Variants in CD48 observed in about 807,000 individuals in gnomAD.
The protein encoded by CD48 is CD48 molecule, also known as CD48 antigen.
In CD48, 20 loss-of-function variants were observed where a neutral mutation model predicts 22.0. The observed-to-expected ratio is 0.91, with a 90% CI of 0.64 to 1.32. The LOEUF is 1.32. Ranked by LOEUF, CD48 falls within the 40% of genes most tolerant of loss-of-function variation. CD48 has a pLI of 0.00. For synonymous variants in CD48, 110 were observed against 110.1 expected (o/e 1.00, Z 0.01); for missense variants, 307 against 286.5 (o/e 1.07, Z -0.52).
At chr1:160,701,045 G>A (rs2102431403) in intron 1 of CD48, among the ~76,000 whole-genome samples, 1 of 152,054 alleles carries the variant, frequency 6.6e-6, no homozygotes, top group South Asian at 2.1e-4. Context: ...CATAAAGCTG[G>A]CAGATTGTAG....
chr1:160,681,505 A>G (rs1306488744), intron 2 of CD48, 37 bp from the exon 3 acceptor site: 1 of 1,602,456 alleles, frequency 6.2e-7, no homozygotes, highest in Non-Finnish European at 8.5e-7. Context: ...TGAGACAGTG[A>G]GGCATTCATG....
At chr1:160,706,293 C>G (rs969558094) in intron 1 of CD48, among the ~76,000 whole-genome samples, 1 of 152,148 alleles carries the variant, frequency 6.6e-6, no homozygotes, top group African/African-American at 2.4e-5. Context: ...AGGCTAGTCT[C>G]AAACTCCTGA....
At chr1:160,688,531 C>T (rs1246571878) in intron 1 of CD48, among the ~76,000 whole-genome samples, 3 of 152,190 alleles carry the variant, frequency 2.0e-5, no homozygotes, top group African/African-American at 7.2e-5. Context: ...GGAGGCTTAA[C>T]ACAACTCTGT....
At chr1:160,692,580 A>G (rs897137066) in intron 1 of CD48, among the ~76,000 whole-genome samples, 45 of 152,256 alleles carry the variant, frequency 3.0e-4, no homozygotes, top group African/African-American at 9.9e-4. Flanking sequence ...ATGGATATCT[A>G]GGAATGCCCC....
intron 2 of CD48, among the ~76,000 whole-genome samples, chr1:160,683,344 C>G (rs1661872845): frequency 6.6e-6 from 1 of 152,142 alleles, no homozygotes; most frequent in African/African-American, 2.4e-5. Flanking sequence ...CTAATCACTT[C>G]CTGGAAATCT....
At position 160,684,891 on chromosome 1, in the gene CD48, C is replaced by A; in HGVS notation, c.381G>T (p.Val127=). ...NEQEWKIKLQ[V]LDPVPKPVIK... is the part of the protein sequence containing the mutation. Reference sequence around the variant, plus strand: ...TCTTTGGCTCCCCTGACTCACCAAGCACTTGCAGCTTGATCTTCCATTCTT... The same window carrying A: ...TCTTTGGCTCCCCTGACTCACCAAGAACTTGCAGCTTGATCTTCCATTCTT... The change falls in exon 2 of 4, where the codon GTG becomes GTT. Residue 127 remains valine, a synonymous_variant. Transcript: ENST00000368046. The A allele has an allele frequency of 4.3e-6, 7 of 1,614,144 alleles. No individual in the cohort carries two copies. Among genetic ancestry groups the A allele is most frequent in the Non-Finnish European group, 5.9e-6 (7 of 1,180,022 alleles).
At chr1:160,707,380 A>G (rs1446785869) in intron 1 of CD48, among the ~76,000 whole-genome samples, 1 of 151,768 alleles carries the variant, frequency 6.6e-6, no homozygotes, top group East Asian at 1.9e-4. Flanking sequence ...TAGGCCAAGG[A>G]AAGGATTCAG....
At chr1:160,680,543 A>T in intron 3 of CD48, 3 of 988,332 alleles carry the variant, frequency 3.0e-6, no homozygotes, top group Non-Finnish European at 3.6e-6. Context: ...TCTAAAACCC[A>T]TGGCCTTAGC....
intron 1 of CD48, among the ~76,000 whole-genome samples, chr1:160,697,385 G>A (rs1393410511): frequency 1.3e-5 from 2 of 152,160 alleles, no homozygotes; most frequent in African/African-American, 4.8e-5. Flanking sequence ...TAATGATAGT[G>A]TATGGGTACC....
chr1:160,680,847 C>A, intron 3 of CD48: 1 of 1,318,868 alleles, frequency 7.6e-7, no homozygotes, highest in Non-Finnish European at 9.7e-7. Flanking sequence ...GCTGCTCGCC[C>A]ACTTGCCCTT....
At chr1:160,711,625 T>C in intron 1 of CD48, 57 bp downstream of exon 1, 9 of 1,343,170 alleles carry the variant, frequency 6.7e-6, no homozygotes, top group Non-Finnish European at 9.6e-6. Flanking sequence ...GTCTCCCCTT[T>C]CCCAACTGAC....
intron 1 of CD48, among the ~76,000 whole-genome samples, chr1:160,696,210 G>A (rs1662418157): frequency 3.3e-5 from 5 of 152,302 alleles, no homozygotes; most frequent in Admixed American, 3.3e-4. Context: ...AAAGAGCAGA[G>A]TTGGTTGCAG....
intron 3 of CD48, 96 bp downstream of exon 3, chr1:160,681,106 C>T: frequency 6.3e-7 from 1 of 1,592,494 alleles, no homozygotes; most frequent in Non-Finnish European, 8.6e-7. Context: ...CACCACCACA[C>T]TGTGCAAGGA....
chr1:160,691,881 A>G (rs1571058541), intron 1 of CD48: 5 of 331,982 alleles, frequency 1.5e-5, no homozygotes, highest in Non-Finnish European at 2.7e-5. Context: ...TGCACTCGGA[A>G]GAAGCTAGGG....
intron 1 of CD48, among the ~76,000 whole-genome samples, chr1:160,705,479 G>C (rs12124234): frequency 0.29 from 43,775 of 152,116 alleles, 7,287 homozygotes; most frequent in Non-Finnish European, 0.39. Flanking sequence ...GACAGAGGCT[G>C]TGGTCTAATT....
intron 1 of CD48, among the ~76,000 whole-genome samples, chr1:160,710,974 A>G (rs1503849): frequency 0.071 from 10,767 of 152,278 alleles, 704 homozygotes; most frequent in African/African-American, 0.17. Flanking sequence ...CTCAGCTGGC[A>G]TAAGAAGAGA....
chr1:160,710,969 C>G (rs1662928831), intron 1 of CD48, among the ~76,000 whole-genome samples: 1 of 152,314 alleles, frequency 6.6e-6, no homozygotes, highest in South Asian at 2.1e-4. Flanking sequence ...TGTTTCTCAG[C>G]TGGCATAAGA....
chr1:160,682,532 A>AAGGGAGGG (rs373212773), intron 2 of CD48, among the ~76,000 whole-genome samples: 30 of 142,428 alleles, frequency 2.1e-4, no homozygotes, highest in African/African-American at 7.3e-4. Flanking sequence ...AAAGAAAAAG[A>AAGGGAGGG]AGGGAGGGAG....
intron 2 of CD48, among the ~76,000 whole-genome samples, chr1:160,682,018 T>A (rs1661824446): frequency 6.6e-6 from 1 of 152,220 alleles, no homozygotes; most frequent in Admixed American, 6.5e-5. Context: ...TTCATGTAAC[T>A]TCCAGCCGCA....
Sources: gnomAD v4.1 joint callset for allele counts (sites outside exome capture counted in the v4.1 genomes callset) on GRCh38, gnomAD v4.1.1 for gene constraint, MANE v1.5 for transcripts, NCBI Gene and HGNC (gene_info 2026-07-23, HGNC 2026-07-21) for gene names.